Variants in HDAC9 observed in about 807,000 individuals in gnomAD.
The protein encoded by HDAC9 is histone deacetylase 9.
Under a neutral mutation model 139.4 loss-of-function variants are expected in HDAC9, and 41 were observed. The ratio of observed to expected loss-of-function variants is 0.29; its 90% CI spans 0.23 to 0.38. HDAC9 has a LOEUF of 0.38. HDAC9 is among the 10% of genes least tolerant of loss of function. HDAC9 has a pLI of 1.00. For missense variants in HDAC9, 1,147 were observed against 1,297.0 expected (o/e 0.88, Z 1.78); for synonymous variants, 517 against 476.2 (o/e 1.09, Z -1.12).
intron 2 of HDAC9, among the ~76,000 whole-genome samples, chr7:18,506,363 A>T (rs2128171775): frequency 6.6e-6 from 1 of 152,320 alleles, no homozygotes; most frequent in South Asian, 2.1e-4. Flanking sequence ...GTTTATTTTT[A>T]GAAACAGACA....
intron 1 of HDAC9, among the ~76,000 whole-genome samples, chr7:18,131,504 T>G (rs903582503): frequency 6.6e-6 from 1 of 152,200 alleles, no homozygotes; most frequent in African/African-American, 2.4e-5. Context: ...ATTAATAATC[T>G]TCATTTGTTT....
chr7:18,973,926 C>G (rs1784400701), intron 24 of HDAC9, among the ~76,000 whole-genome samples: 1 of 152,138 alleles, frequency 6.6e-6, no homozygotes, highest in Non-Finnish European at 1.5e-5. Flanking sequence ...AAACATAAGC[C>G]TGATTCTATA....
intron 2 of HDAC9, among the ~76,000 whole-genome samples, chr7:18,547,806 CCCTTCCTTCCTTCCTTCCTT>C (rs1233554853): frequency 7.4e-5 from 5 of 68,016 alleles, no homozygotes; most frequent in African/African-American, 1.7e-4. Context: ...TTCAAGAAAC[CCCTTCCTTCCTTCCTTCCTT>C]CCTTCCTTCC....
chr7:18,445,416 G>T (rs558179118), intron 1 of HDAC9, among the ~76,000 whole-genome samples: 1 of 151,998 alleles, frequency 6.6e-6, no homozygotes, highest in Non-Finnish European at 1.5e-5. Flanking sequence ...CATATCAAGA[G>T]GATAATAATT....
At chr7:18,125,432 CGTGT>C (rs10647409) in intron 1 of HDAC9, among the ~76,000 whole-genome samples, 217 of 142,574 alleles carry the variant, frequency 1.5e-3, no homozygotes, top group African/African-American at 5.8e-3. Flanking sequence ...TATATATATG[CGTGT>C]GTGTGTGTGT....
intron 17 of HDAC9, among the ~76,000 whole-genome samples, chr7:18,824,995 T>A (rs1795305087): frequency 1.3e-5 from 2 of 152,216 alleles, no homozygotes; most frequent in Non-Finnish European, 2.9e-5. Flanking sequence ...TAAAGAGAAC[T>A]CATTGGTCTC....
At chr7:18,258,211 C>G (rs751506196) in intron 2 of HDAC9, among the ~76,000 whole-genome samples, 31 of 152,084 alleles carry the variant, frequency 2.0e-4, no homozygotes, top group Non-Finnish European at 1.6e-4. Flanking sequence ...ATTGCTTTTG[C>G]CTTTACCCAA....
chr7:18,912,237 C>T (rs1179764848), intron 22 of HDAC9, among the ~76,000 whole-genome samples: 2 of 151,988 alleles, frequency 1.3e-5, no homozygotes, highest in East Asian at 3.9e-4. Flanking sequence ...TAATGACCAG[C>T]ACTATAGATG....
At chr7:18,872,579 T>C (rs1210015475) in intron 21 of HDAC9, among the ~76,000 whole-genome samples, 2 of 152,144 alleles carry the variant, frequency 1.3e-5, no homozygotes, top group Non-Finnish European at 2.9e-5. Flanking sequence ...TCAGTTAGTT[T>C]CTCCAAGAAG....
intron 22 of HDAC9, among the ~76,000 whole-genome samples, chr7:18,904,544 A>T (rs1264039759): frequency 6.7e-6 from 1 of 149,068 alleles, no homozygotes; most frequent in African/African-American, 2.5e-5. Context: ...AGCATAAGTT[A>T]ATGGGGAACC....
In HDAC9 at chr7:18,737,656, G is replaced by C. The variant is rs555196030; in HGVS notation, c.1909+9899G>C. ...TTGTGATTTCTGTTCTTTTACATTT[G>C]CTGAGGAGTGCTTTATTCCCTATGA... On this transcript the variant is annotated intron_variant, in intron 13 of 25. Transcript: ENST00000686413. 4.6e-5 allele frequency among the ~76,000 whole-genome samples: 7 copies of C among 152,274 alleles called. No individual in the cohort carries two copies. In the East Asian group the frequency reaches 1.2e-3, roughly 25 times the overall value.
chr7:18,688,558 A>T (rs1782443515), intron 12 of HDAC9, among the ~76,000 whole-genome samples: 1 of 151,818 alleles, frequency 6.6e-6, no homozygotes, highest in Non-Finnish European at 1.5e-5. Flanking sequence ...TCCAATTTTG[A>T]TACTGACTTC....
At chr7:18,187,654 C>G (rs1335128357) in intron 2 of HDAC9, among the ~76,000 whole-genome samples, 1 of 152,184 alleles carries the variant, frequency 6.6e-6, no homozygotes, top group East Asian at 1.9e-4. Flanking sequence ...TTCTACTAGA[C>G]TTAGAACTAG....
At chr7:18,271,762 G>A (rs1310932331) in intron 2 of HDAC9, among the ~76,000 whole-genome samples, 1 of 152,166 alleles carries the variant, frequency 6.6e-6, no homozygotes. Flanking sequence ...TTTAATACAG[G>A]ATGGAGAACC....
At chr7:18,386,079 A>G (rs1267889984) in intron 1 of HDAC9, among the ~76,000 whole-genome samples, 1 of 152,144 alleles carries the variant, frequency 6.6e-6, no homozygotes, top group Non-Finnish European at 1.5e-5. Context: ...ATTTCCTGAT[A>G]TATCTGTCTA....
At chr7:18,347,212 T>C (rs1428430861) in intron 1 of HDAC9, among the ~76,000 whole-genome samples, 1 of 152,196 alleles carries the variant, frequency 6.6e-6, no homozygotes, top group East Asian at 1.9e-4. Context: ...TGCTAGAATA[T>C]GTAGCTATGT....
rs571546982 is a variant in HDAC9, at chr7:18,871,621, A to G, written c.2685-2857A>G. 7.0e-4 allele frequency among the ~76,000 whole-genome samples: 106 copies of G among 152,304 alleles called. 1 individual carries two copies. The highest frequency in any genetic ancestry group is 1.8e-3 in the Admixed American group (27 of 15,282). On this transcript the variant is annotated intron_variant, in intron 21 of 25. Coordinates refer to ENST00000686413, the MANE Select transcript of HDAC9 (RefSeq NM_178425.4). ...TTGCTAACTTTAATCAGAAATCCCAATTTTTCAGATAAAATTTTAAATCAG... is the reference window on the plus strand; with the variant it reads ...TTGCTAACTTTAATCAGAAATCCCAGTTTTTCAGATAAAATTTTAAATCAG...
intron 17 of HDAC9, among the ~76,000 whole-genome samples, chr7:18,807,705 G>T (rs191771149): frequency 1.4e-4 from 22 of 152,012 alleles, no homozygotes; most frequent in African/African-American, 3.6e-4. Flanking sequence ...GAAATATGTT[G>T]CTTAATTGTC....
chr7:18,903,401 C>G (rs530796215), intron 22 of HDAC9, among the ~76,000 whole-genome samples: 1 of 152,222 alleles, frequency 6.6e-6, no homozygotes, highest in South Asian at 2.1e-4. Flanking sequence ...ATAATCCTTT[C>G]AAGTTTTAAT....
Sources: allele counts gnomAD v4.1 joint callset (sites outside exome capture counted in the v4.1 genomes callset), GRCh38; gene constraint gnomAD v4.1.1; transcripts MANE v1.5; gene names NCBI Gene and HGNC (gene_info 2026-07-23, HGNC 2026-07-21).